Variants in NHLRC2 observed in about 807,000 individuals in gnomAD.
NHLRC2 encodes the protein NHL repeat-containing protein 2.
Under a neutral mutation model 68.1 loss-of-function variants are expected in NHLRC2, and 33 were observed. The ratio of observed to expected loss-of-function variants is 0.48; its 90% CI spans 0.37 to 0.65. NHLRC2 has a LOEUF of 0.65. NHLRC2 is among the 30% of genes least tolerant of loss of function. NHLRC2 has a pLI of 0.00. For missense variants in NHLRC2, 761 were observed against 853.8 expected (o/e 0.89, Z 1.35); for synonymous variants, 311 against 309.6 (o/e 1.00, Z -0.05).
chr10:113,869,132 G>T (rs893472158), intron 2 of NHLRC2, among the ~76,000 whole-genome samples: 13 of 152,212 alleles, frequency 8.5e-5, no homozygotes, highest in African/African-American at 3.1e-4. Flanking sequence ...TGGGAAATCT[G>T]TGACAAGGCT....
At chr10:113,884,202 A>T in intron 4 of NHLRC2, 49 bp from the exon 5 acceptor site, 1 of 1,571,024 alleles carries the variant, frequency 6.4e-7, no homozygotes, top group South Asian at 1.1e-5. Flanking sequence ...CAAAAGACAA[A>T]AGCAAAAGTA....
chr10:113,896,669 TAATA>T lies in NHLRC2; in HGVS notation c.1040-1426_1040-1423del, dbSNP rs537171738. Among the ~76,000 whole-genome samples, 69 of 151,800 alleles carry T rather than the reference TAATA, an allele frequency of 4.5e-4. No homozygotes were observed. The South Asian group carries it at 7.3e-3, about 16-fold the overall frequency. ...TACCCTAAAACTTAAAGTGTAATAA[TAATA>T]AATAAATAAATAAAAGAAAAAAAAG... On this transcript the variant is annotated intron_variant, in intron 5 of 10. Coordinates refer to ENST00000369301, the MANE Select transcript of NHLRC2 (RefSeq NM_198514.4).
At position 113,863,185 on chromosome 10, in the gene NHLRC2, G is replaced by A. The variant is rs141520886; in HGVS notation, c.331+4505G>A. On this transcript the variant is annotated intron_variant, in intron 2 of 10. Coordinates refer to ENST00000369301, the MANE Select transcript of NHLRC2 (RefSeq NM_198514.4). Reference sequence around the variant, plus strand: ...CACTACCCAACAACAACAGGATTGCGTATGGGACATTTTCCAGGATAGACC... The same window carrying A: ...CACTACCCAACAACAACAGGATTGCATATGGGACATTTTCCAGGATAGACC... 7.7e-4 allele frequency among the ~76,000 whole-genome samples: 118 copies of A among 152,280 alleles called. No individual in the cohort carries two copies. The East Asian group carries it at 0.021, about 27-fold the overall frequency.
Position 113,903,543 on chromosome 10 carries a change from C to CAA in NHLRC2, c.1515_1516dup (p.Thr506LysfsTer8), listed in dbSNP as rs1255223440. 1 of 1,599,824 alleles carries CAA rather than the reference C, an allele frequency of 6.3e-7. No homozygotes were observed. Among genetic ancestry groups the CAA allele is most frequent in the Non-Finnish European group, 8.5e-7 (1 of 1,174,434 alleles). ...CTTTTTTAGATTAAAGTTGTGGATC[C>CAA]AAAAACAAAAAACTGTACAACATTA... On this transcript the variant is annotated frameshift_variant, in exon 9 of 11. Transcript: ENST00000369301. LOFTEE classifies it high-confidence loss of function.
chr10:113,906,342 T>G (rs1846274655), intron 10 of NHLRC2, among the ~76,000 whole-genome samples: 1 of 152,166 alleles, frequency 6.6e-6, no homozygotes, highest in Admixed American at 6.5e-5. Flanking sequence ...ATGGGCCCCA[T>G]TTTTATTATA....
At position 113,884,071 on chromosome 10, in the gene NHLRC2, C is replaced by A. The variant is rs142478401; in HGVS notation, c.910-180C>A. On this transcript the variant is annotated intron_variant, in intron 4 of 10. Coordinates refer to ENST00000369301, the MANE Select transcript of NHLRC2 (RefSeq NM_198514.4). ...ATGGACAGGTGGGATATGAAAGGGA[C>A]TGATTATGTGCATTTGAATAAGAAG... Among the ~76,000 whole-genome samples the A allele has an allele frequency of 5.8e-3, 884 of 151,820 alleles. 9 individuals carry two copies. Among genetic ancestry groups the A allele is most frequent in the African/African-American group, 0.019 (803 of 41,482 alleles).
In NHLRC2 at chr10:113,879,615, A is replaced by C; in HGVS notation, c.829A>C (p.Thr277Pro). The change falls in exon 4 of 11, where the codon ACT becomes CCT. Residue 277 changes from threonine (T) to proline (P), a missense_variant. Coordinates refer to ENST00000369301, the MANE Select transcript of NHLRC2 (RefSeq NM_198514.4). ...AAAAGATGGAATATTTTCAGAATCA[A>C]CTTTTAATTCTCCACAGGGTGTAGC... The part of the protein sequence containing the change: ...GRKDGIFSES[T>P]FNSPQGVAIM... 1 of 1,598,714 alleles carries C rather than the reference A, an allele frequency of 6.3e-7. No individual in the cohort carries two copies. Among genetic ancestry groups the C allele is most frequent in the Non-Finnish European group, 8.5e-7 (1 of 1,170,078 alleles).
At chr10:113,886,639 C>G (rs1162836548) in intron 5 of NHLRC2, among the ~76,000 whole-genome samples, 1 of 152,124 alleles carries the variant, frequency 6.6e-6, no homozygotes, top group African/African-American at 2.4e-5. Context: ...GAGGAAAGGA[C>G]AATTCGTTCC....
chr10:113,893,869 T>G (rs1327291578), intron 5 of NHLRC2, among the ~76,000 whole-genome samples: 1 of 152,182 alleles, frequency 6.6e-6, no homozygotes, highest in Non-Finnish European at 1.5e-5. Flanking sequence ...AAGCAAATGT[T>G]TTTGTTCCTA....
At chr10:113,865,569 CTT>C (rs76462363) in intron 2 of NHLRC2, among the ~76,000 whole-genome samples, 6 of 55,004 alleles carry the variant, frequency 1.1e-4, no homozygotes, top group Non-Finnish European at 2.1e-4. Flanking sequence ...GCTTTCTTTT[CTT>C]TTTTTTTTTT....
At chr10:113,859,326 A>G (rs563510873) in intron 2 of NHLRC2, among the ~76,000 whole-genome samples, 1 of 152,176 alleles carries the variant, frequency 6.6e-6, no homozygotes, top group African/African-American at 2.4e-5. Flanking sequence ...AGAACATGGG[A>G]GTAAATGAAA....
At chr10:113,894,238 A>C (rs373142128) in intron 5 of NHLRC2, among the ~76,000 whole-genome samples, 1 of 152,180 alleles carries the variant, frequency 6.6e-6, no homozygotes, top group African/African-American at 2.4e-5. Context: ...CTTGTTACCC[A>C]TAAGGTCCTA....
chr10:113,882,841 T>C (rs1043409846), intron 4 of NHLRC2, among the ~76,000 whole-genome samples: 3 of 151,906 alleles, frequency 2.0e-5, no homozygotes, highest in Non-Finnish European at 4.4e-5. Flanking sequence ...ATTAGGTCTT[T>C]GATCCATTTT....
At chr10:113,896,278 A>G (rs1846176853) in intron 5 of NHLRC2, among the ~76,000 whole-genome samples, 1 of 152,140 alleles carries the variant, frequency 6.6e-6, no homozygotes, top group Non-Finnish European at 1.5e-5. Context: ...AATGTCCAAC[A>G]ATGATAGACT....
In NHLRC2 at chr10:113,884,643, C is replaced by T. The variant is rs574632357; in HGVS notation, c.1039+263C>T. 2.7e-3 allele frequency among the ~76,000 whole-genome samples: 410 copies of T among 151,190 alleles called. 2 individuals are homozygous for T. The highest frequency in any genetic ancestry group is 9.7e-3 in the African/African-American group (400 of 41,396). ...ACTCTAAAGAATTATATATTAGATGCACCCTCCAATTAATGTAGTTCTGAA... is the reference window on the plus strand; with the variant it reads ...ACTCTAAAGAATTATATATTAGATGTACCCTCCAATTAATGTAGTTCTGAA... On this transcript the variant is annotated intron_variant, in intron 5 of 10. Coordinates refer to ENST00000369301, the MANE Select transcript of NHLRC2 (RefSeq NM_198514.4).
intron 5 of NHLRC2, among the ~76,000 whole-genome samples, chr10:113,885,396 G>A (rs936778918): frequency 5.3e-5 from 8 of 151,998 alleles, no homozygotes; most frequent in Admixed American, 2.6e-4. Context: ...AGTATAGTAG[G>A]AGCAGTGCAT....
intron 2 of NHLRC2, among the ~76,000 whole-genome samples, chr10:113,868,759 C>T (rs1476632384): frequency 6.6e-6 from 1 of 152,142 alleles, no homozygotes; most frequent in Non-Finnish European, 1.5e-5. Flanking sequence ...GCTATGATGA[C>T]ATTATAGAGT....
At chr10:113,873,806 T>G (rs1024758130) in intron 2 of NHLRC2, among the ~76,000 whole-genome samples, 1 of 152,192 alleles carries the variant, frequency 6.6e-6, no homozygotes, top group African/African-American at 2.4e-5. Flanking sequence ...AAAACACTCA[T>G]CTGGCCCAGA....
In NHLRC2 at chr10:113,903,588, A is replaced by G. The variant is rs1472305328; in HGVS notation, c.1556A>G (p.Asn519Ser). The G allele has an allele frequency of 6.2e-7, 1 of 1,612,526 alleles. No individual in the cohort carries two copies. Among genetic ancestry groups the G allele is most frequent in the African/African-American group, 1.3e-5 (1 of 74,882 alleles). The change falls in exon 9 of 11, where the codon AAT (asparagine) becomes AGT (serine). Residue 519 changes from asparagine (N) to serine (S), a missense_variant. Coordinates refer to ENST00000369301, the MANE Select transcript of NHLRC2 (RefSeq NM_198514.4). ...ACATTAGCAGGAACTGGAGACACAA[A>G]TAATGTTACCAGTTCCAGTTTTACA... ...CTTLAGTGDT[N>S]NVTSSSFTES...
Sources: gnomAD v4.1 joint callset for allele counts (sites outside exome capture counted in the v4.1 genomes callset) on GRCh38, gnomAD v4.1.1 for gene constraint, MANE v1.5 for transcripts, NCBI Gene and HGNC (gene_info 2026-07-23, HGNC 2026-07-21) for gene names.